The following ZNF765 variants were observed in gnomAD, a reference collection of about 807,000 sequenced individuals.
The protein encoded by ZNF765 is zinc finger protein 765.
Under a neutral mutation model 44.7 loss-of-function variants are expected in ZNF765, and 37 were observed. The ratio of observed to expected loss-of-function variants is 0.83; its 90% CI spans 0.64 to 1.09. The LOEUF (loss-of-function observed/expected upper bound fraction) is 1.09, where lower values mean the gene tolerates loss of function less well. ZNF765 is among the 50% of genes least tolerant of loss of function. The pLI is 0.00. For missense variants in ZNF765, 594 were observed against 626.1 expected (o/e 0.95, Z 0.55); for synonymous variants, 201 against 213.7 (o/e 0.94, Z 0.52).
chr19:53,420,986 T>G (rs981767743), intron 3 of ZNF765, among the ~76,000 whole-genome samples: 4 of 152,118 alleles, frequency 2.6e-5, no homozygotes, highest in African/African-American at 9.7e-5. Context: ...GAAGGCCTCT[T>G]TGCAGTTGAG....
At chr19:53,405,903 C>CCA (rs2085768367) in intron 3 of ZNF765, among the ~76,000 whole-genome samples, 2 of 49,170 alleles carry the variant, frequency 4.1e-5, no homozygotes, top group African/African-American at 1.2e-4. Flanking sequence ...TTAATACCAA[C>CCA]TATATATATA....
intron 3 of ZNF765, among the ~76,000 whole-genome samples, chr19:53,419,585 G>A (rs531773973): frequency 1.3e-5 from 2 of 152,106 alleles, no homozygotes; most frequent in Non-Finnish European, 2.9e-5. Context: ...TCTAATATCC[G>A]GCTCTGATCA....
chr19:53,415,333 TAGAC>T (rs568865813), downstream of ZNF765, among the ~76,000 whole-genome samples: 68 of 152,084 alleles, frequency 4.5e-4, no homozygotes, highest in African/African-American at 1.3e-3. Flanking sequence ...GCTATTGAAT[TAGAC>T]AGAAATGTAA....
At chr19:53,418,675 G>A (rs551069424) in intron 3 of ZNF765, among the ~76,000 whole-genome samples, 56 of 152,100 alleles carry the variant, frequency 3.7e-4, no homozygotes, top group Admixed American at 1.2e-3. Flanking sequence ...TGGTGGGGGG[G>A]GCGGTGGATC....
chr19:53,402,343 G>C (rs1424232621), intron 3 of ZNF765, among the ~76,000 whole-genome samples, 152 bp downstream of exon 3: 1 of 132,630 alleles, frequency 7.5e-6, no homozygotes, highest in Admixed American at 9.1e-5. Context: ...GGCCAGCTCC[G>C]CCTCCCGGGT....
At chr19:53,417,572 G>A (rs1462717719) in intron 3 of ZNF765, among the ~76,000 whole-genome samples, 1 of 152,170 alleles carries the variant, frequency 6.6e-6, no homozygotes, top group South Asian at 2.1e-4. Flanking sequence ...ATTGTGAATA[G>A]TGCTGCAACG....
downstream of ZNF765, among the ~76,000 whole-genome samples, chr19:53,412,286 G>C (rs2085840149): frequency 6.6e-6 from 1 of 152,112 alleles, no homozygotes; most frequent in South Asian, 2.1e-4. Context: ...AAGATGATGT[G>C]GTTTTCATCT....
intron 2 of ZNF765, 46 bp from the exon 3 acceptor site, chr19:53,402,019 A>C (rs2085731085): frequency 3.1e-6 from 5 of 1,614,034 alleles, no homozygotes; most frequent in Non-Finnish European, 3.4e-6. Flanking sequence ...TGTAAAGATA[A>C]GAACTCCTCC....
At chr19:53,414,491 C>CACACACA (rs1568786159), downstream of ZNF765, among the ~76,000 whole-genome samples, 2 of 15,572 alleles carry the variant, frequency 1.3e-4, no homozygotes, top group African/African-American at 5.7e-4. Flanking sequence ...ACACACACAC[C>CACACACA]CCCCCCCCCC....
rs1426048824 is a variant in ZNF765 at position 53,408,565 on chromosome 19, G to T, written c.1010G>T (p.Ser337Ile). Residue 337 changes from serine to isoleucine, a missense_variant, in exon 4 of 4, where the codon AGT becomes ATT. Coordinates refer to ENST00000396408, the MANE Select transcript of ZNF765 (RefSeq NM_001040185.3). The stretch of plus-strand genomic sequence containing the variant: ...TGTAATGAGTGTGGCAAGACCTTTA[G>T]TCAGAAGTCGTACCTTACATGCCAT... ...YKCNECGKTF[S>I]QKSYLTCHRR... 1 of 1,611,418 alleles carries T rather than the reference G, an allele frequency of 6.2e-7. No homozygotes were observed. Among genetic ancestry groups the T allele is most frequent in the South Asian group, 1.1e-5 (1 of 90,636 alleles).
chr19:53,403,171 G>GA (rs1244929447), intron 3 of ZNF765, among the ~76,000 whole-genome samples: 2 of 146,494 alleles, frequency 1.4e-5, no homozygotes, highest in Non-Finnish European at 3.1e-5. Flanking sequence ...AAAAAAAAAA[G>GA]AAAAAAAAAT....
chr19:53,407,958 C>G lies in ZNF765; in HGVS notation c.403C>G (p.Pro135Ala), dbSNP rs1413786728. Reference protein sequence around the residue: ...RYDQNYAGNKPVKYQLGFSFH... With the variant: ...RYDQNYAGNKAVKYQLGFSFH... The stretch of plus-strand genomic sequence containing the variant: ...TGATCAAAATTATGCTGGAAACAAG[C>G]CTGTTAAATATCAGCTTGGATTCAG... The change falls in exon 4 of 4, where the codon CCT becomes GCT. Residue 135 changes from proline to alanine, a missense_variant. Pro to Ala is a conservative substitution (Grantham distance 27, BLOSUM62 -1). Coordinates refer to ENST00000396408, the MANE Select transcript of ZNF765 (RefSeq NM_001040185.3). The G allele has an allele frequency of 6.2e-7, 1 of 1,614,138 alleles. No individual in the cohort carries two copies. The highest frequency in any genetic ancestry group is 2.2e-5 in the East Asian group (1 of 44,878).
chr19:53,407,327 TG>T (rs2085784801), intron 3 of ZNF765, among the ~76,000 whole-genome samples: 1 of 152,226 alleles, frequency 6.6e-6, no homozygotes, highest in Non-Finnish European at 1.5e-5. Flanking sequence ...AGCATCTATT[TG>T]TATACAGTAA....
At position 53,408,452 on chromosome 19, in the gene ZNF765, C is replaced by T. The variant is rs542447777; in HGVS notation, c.897C>T (p.Tyr299=). The part of the protein sequence containing the change: ...HRRLHTGEKP[Y]KCEECDKAFH... ...GACTTCATACTGGAGAGAAACCTTA[C>T]AAATGTGAAGAATGTGACAAAGCTT... The change falls in exon 4 of 4, where the codon TAC becomes TAT. Residue 299 remains tyrosine (Y), a synonymous_variant. Coordinates refer to ENST00000396408, the MANE Select transcript of ZNF765 (RefSeq NM_001040185.3). 48 of 1,613,762 alleles carry T rather than the reference C, an allele frequency of 3.0e-5. No homozygotes were observed. In the East Asian group the frequency reaches 5.1e-4, roughly 17 times the overall value.
rs531300517 is a variant in ZNF765 at position 53,405,568 on chromosome 19, G to C, written c.143-2130G>C. On this transcript the variant is annotated intron_variant, in intron 3 of 3. Coordinates refer to ENST00000396408, the MANE Select transcript of ZNF765 (RefSeq NM_001040185.3). ...CATGGTTTAGCCCAGCCATCTTCCT[G>C]CCGTGTCCTGACATGGTGGAAACAG... Among the ~76,000 whole-genome samples, 29 of 151,292 alleles carry C rather than the reference G, an allele frequency of 1.9e-4. No individual in the cohort carries two copies. In the East Asian group the frequency reaches 5.6e-3, roughly 29 times the overall value.
chr19:53,406,790 G>C (rs117362302), intron 3 of ZNF765, among the ~76,000 whole-genome samples: 5 of 152,066 alleles, frequency 3.3e-5, no homozygotes, highest in Admixed American at 6.6e-5. Flanking sequence ...TAGTGTGTGC[G>C]TGTAATCCCA....
intron 3 of ZNF765, among the ~76,000 whole-genome samples, chr19:53,405,608 C>T (rs1186896402): frequency 6.6e-6 from 1 of 150,434 alleles, no homozygotes; most frequent in Non-Finnish European, 1.5e-5. Flanking sequence ...AGGCAACGAG[C>T]TCTTTAATAT....
In ZNF765 at chr19:53,408,068, T is replaced by C. The variant is rs2085793304; in HGVS notation, c.513T>C (p.Ala171=). 6.2e-7 allele frequency: 1 copy of C among 1,614,056 alleles called. No individual in the cohort carries two copies. Among genetic ancestry groups the C allele is most frequent in the South Asian group, 1.1e-5 (1 of 91,084 alleles). The stretch of plus-strand genomic sequence containing the variant: ...AAGTTGTGAAGTCTATCCACGATGC[T>C]TCCTTGGTTTCAACAGCCCAAAGAA... ...DNQVVKSIHD[A]SLVSTAQRIS... The change falls in exon 4 of 4, where the codon GCT becomes GCC. Residue 171 remains alanine, a synonymous_variant. Transcript: ENST00000396408.
intron 3 of ZNF765, among the ~76,000 whole-genome samples, chr19:53,402,618 A>G (rs1266812513): frequency 6.6e-6 from 1 of 152,082 alleles, no homozygotes; most frequent in African/African-American, 2.4e-5. Flanking sequence ...GTGGAGTACA[A>G]TGGTGTGATC....
Sources: gnomAD v4.1 joint callset for allele counts (sites outside exome capture counted in the v4.1 genomes callset) on GRCh38, gnomAD v4.1.1 for gene constraint, MANE v1.5 for transcripts, NCBI Gene and HGNC (gene_info 2026-07-23, HGNC 2026-07-21) for gene names.